SND1: variants seen among roughly 807,000 people sequenced by gnomAD.
SND1 encodes the protein staphylococcal nuclease domain-containing protein 1.
SND1 carries 38 observed loss-of-function variants against 121.7 expected under a neutral mutation model. That is an observed-to-expected ratio of 0.31 (90% CI 0.24 to 0.41). The LOEUF (loss-of-function observed/expected upper bound fraction) is 0.41, where lower values mean the gene tolerates loss of function less well. Ranked by LOEUF, SND1 falls within the 10% of genes least tolerant of loss-of-function variation. The pLI is 1.00. For synonymous variants in SND1, 401 were observed against 447.4 expected (o/e 0.90, Z 1.31); for missense variants, 868 against 1,184.6 (o/e 0.73, Z 3.92).
chr7:127,971,775 T>A (rs535530323), intron 15 of SND1, among the ~76,000 whole-genome samples: 1 of 151,068 alleles, frequency 6.6e-6, no homozygotes, highest in Non-Finnish European at 1.5e-5. Flanking sequence ...GAATTAATTT[T>A]TTTTTTTTTT....
chr7:128,040,423 C>A, intron 16 of SND1, among the ~76,000 whole-genome samples: 1 of 99,724 alleles, frequency 1.0e-5, no homozygotes. Context: ...TCAAACAGAG[C>A]AAGGTCCTAT....
At chr7:127,911,579 T>A (rs1487479363) in intron 14 of SND1, among the ~76,000 whole-genome samples, 2 of 152,142 alleles carry the variant, frequency 1.3e-5, no homozygotes, top group East Asian at 3.9e-4. Flanking sequence ...TGGAGTGCAG[T>A]GGCGCCATCT....
intron 10 of SND1, among the ~76,000 whole-genome samples, chr7:127,755,349 C>G (rs1244661720): frequency 1.3e-5 from 2 of 152,320 alleles, no homozygotes; most frequent in African/African-American, 4.8e-5. Context: ...AAGTTCTGTT[C>G]AAGAAGGGTT....
intron 12 of SND1, among the ~76,000 whole-genome samples, chr7:127,847,587 T>G (rs1158151204): frequency 6.6e-6 from 1 of 152,242 alleles, no homozygotes; most frequent in Admixed American, 6.5e-5. Context: ...AAATGAGGAC[T>G]TGAAAAACAC....
intron 21 of SND1, 71 bp downstream of exon 21, chr7:128,087,122 G>C: frequency 8.7e-7 from 1 of 1,151,402 alleles, no homozygotes; most frequent in Non-Finnish European, 1.3e-6. Context: ...CAGCCCTCAT[G>C]GGCTGACAGG....
At chr7:127,878,953 G>A (rs1157760618) in intron 12 of SND1, among the ~76,000 whole-genome samples, 1 of 151,908 alleles carries the variant, frequency 6.6e-6, no homozygotes, top group South Asian at 2.1e-4. Context: ...GAACAAAAAT[G>A]GGGACAAAAA....
At chr7:127,939,518 T>C (rs1039798219) in intron 15 of SND1, among the ~76,000 whole-genome samples, 1 of 152,186 alleles carries the variant, frequency 6.6e-6, no homozygotes, top group Admixed American at 6.5e-5. Context: ...ATTCTTGCCC[T>C]CCTGCTTCCT....
chr7:128,031,938 TC>T (rs2116990981), intron 16 of SND1: 1 of 150,820 alleles, frequency 6.6e-6, no homozygotes, highest in African/African-American at 2.4e-5. Flanking sequence ...CGGGAAACGC[TC>T]CGGAGCCCAG....
chr7:127,999,068 C>T (rs1802751576), intron 16 of SND1: 1 of 152,186 alleles, frequency 6.6e-6, no homozygotes, highest in Non-Finnish European at 1.5e-5. Context: ...GATTCTGTTA[C>T]CTGTAATTAT....
At chr7:127,823,881 A>G (rs1798596470) in intron 11 of SND1, among the ~76,000 whole-genome samples, 1 of 152,228 alleles carries the variant, frequency 6.6e-6, no homozygotes, top group Non-Finnish European at 1.5e-5. Context: ...CATAGGTAGC[A>G]TATTTTGTTT....
intron 16 of SND1, among the ~76,000 whole-genome samples, chr7:128,055,209 G>A (rs1356045816): frequency 2.0e-5 from 3 of 152,142 alleles, no homozygotes; most frequent in African/African-American, 4.8e-5. Context: ...AAGGTGGGCC[G>A]GGTTCTGTTC....
intron 13 of SND1, among the ~76,000 whole-genome samples, chr7:127,893,878 T>TA (rs373913591): frequency 9.9e-5 from 15 of 152,032 alleles, no homozygotes; most frequent in African/African-American, 3.6e-4. Flanking sequence ...ACCCTCTTTC[T>TA]AAAAAACAAA....
At chr7:127,698,402 A>G (rs1587603913) in intron 3 of SND1, among the ~76,000 whole-genome samples, 1 of 152,298 alleles carries the variant, frequency 6.6e-6, no homozygotes, top group South Asian at 2.1e-4. Context: ...ACACATTACT[A>G]TTTAATTCTC....
chr7:127,756,682 A>T (rs544944358), intron 10 of SND1, among the ~76,000 whole-genome samples: 1 of 152,288 alleles, frequency 6.6e-6, no homozygotes, highest in Admixed American at 6.5e-5. Context: ...ATATGTGGCG[A>T]CTTAGAATCT....
chr7:128,040,773 CT>C (rs1421221728), intron 16 of SND1, among the ~76,000 whole-genome samples: 1 of 152,242 alleles, frequency 6.6e-6, no homozygotes, highest in African/African-American at 2.4e-5. Context: ...GTTCTAATCC[CT>C]TGGTTTGTAG....
intron 3 of SND1, among the ~76,000 whole-genome samples, chr7:127,695,391 C>T (rs1360848755): frequency 3.9e-5 from 6 of 152,082 alleles, no homozygotes; most frequent in Non-Finnish European, 8.8e-5. Flanking sequence ...TTGCAGCCTA[C>T]ATGTTTTTAA....
chr7:127,898,532 G>A (rs1363956435), intron 13 of SND1, among the ~76,000 whole-genome samples: 1 of 152,104 alleles, frequency 6.6e-6, no homozygotes, highest in East Asian at 1.9e-4. Flanking sequence ...TTGCTACCAT[G>A]TTTCACTGAT....
chr7:127,816,075 A>G (rs977083315), intron 11 of SND1, among the ~76,000 whole-genome samples: 13 of 152,202 alleles, frequency 8.5e-5, no homozygotes, highest in Non-Finnish European at 1.8e-4. Flanking sequence ...AGTGTTGTCC[A>G]TAGGCTTACC....
intron 10 of SND1, among the ~76,000 whole-genome samples, chr7:127,741,736 A>G (rs1304689257): frequency 6.6e-6 from 1 of 152,204 alleles, no homozygotes; most frequent in Admixed American, 6.5e-5. Flanking sequence ...AATGGAACAC[A>G]GTAGATTCCT....
Sources: gnomAD v4.1 joint callset for allele counts (sites outside exome capture counted in the v4.1 genomes callset) on GRCh38, gnomAD v4.1.1 for gene constraint, MANE v1.5 for transcripts, NCBI Gene and HGNC (gene_info 2026-07-23, HGNC 2026-07-21) for gene names.